Variants in ANKS3 observed in about 807,000 individuals in gnomAD.
The protein encoded by ANKS3 is ankyrin repeat and SAM domain-containing protein 3.
A neutral mutation model predicts 80.7 loss-of-function variants in ANKS3; 62 were observed. The observed-to-expected ratio is 0.77, with a 90% CI of 0.63 to 0.95. ANKS3 has a LOEUF of 0.95. ANKS3 is among the 40% of genes least tolerant of loss of function. ANKS3 has a pLI of 0.00. For synonymous variants in ANKS3, 489 were observed against 355.3 expected (o/e 1.38, Z -4.23); for missense variants, 1,150 against 883.6 (o/e 1.30, Z -3.82).
At position 4,732,767 on chromosome 16, in the gene ANKS3, C is replaced by T. The variant is rs1465085637; in HGVS notation, c.-71+1171G>A. Among the ~76,000 whole-genome samples, 5 of 150,574 alleles carry T rather than the reference C, an allele frequency of 3.3e-5. No individual in the cohort carries two copies. The East Asian group carries it at 5.8e-4, about 18-fold the overall frequency. On this transcript the variant is annotated intron_variant, in intron 1 of 17. Coordinates refer to ENST00000304283, the MANE Select transcript of ANKS3 (RefSeq NM_133450.4). ...GTGTAAAGTAGCATTAGAGATAAGA[C>T]GTTTTAGTTTTCATTCAACTTTTTG...
At chr16:4,718,002 T>C (rs927696387) in intron 6 of ANKS3, among the ~76,000 whole-genome samples, 3 of 151,996 alleles carry the variant, frequency 2.0e-5, no homozygotes, top group African/African-American at 7.2e-5. Context: ...CTTGAACTCC[T>C]GACCTCAGGT....
At chr16:4,723,338 T>C (rs2081196959) in intron 6 of ANKS3, among the ~76,000 whole-genome samples, 1 of 152,256 alleles carries the variant, frequency 6.6e-6, no homozygotes, top group Non-Finnish European at 1.5e-5. Context: ...GTCTATGTAT[T>C]TGCTTATTCT....
chr16:4,698,130 CCTT>C (rs2079681250), intron 14 of ANKS3, 68 bp from the exon 15 acceptor site: 2 of 1,492,916 alleles, frequency 1.3e-6, no homozygotes, highest in Admixed American at 2.0e-5. Flanking sequence ...CCACCTCAGA[CCTT>C]CTAGGGGAGG....
intron 6 of ANKS3, among the ~76,000 whole-genome samples, chr16:4,714,923 C>T (rs1300384043): frequency 1.6e-5 from 2 of 126,704 alleles, no homozygotes; most frequent in Non-Finnish European, 3.2e-5. Context: ...ACCCGGGAAG[C>T]GGAGGCTGCA....
At chr16:4,717,034 C>G (rs2080840745) in intron 6 of ANKS3, among the ~76,000 whole-genome samples, 1 of 151,922 alleles carries the variant, frequency 6.6e-6, no homozygotes, top group Admixed American at 6.6e-5. Context: ...GAGTTCAAGA[C>G]CAGCCTGGCC....
At chr16:4,703,530 C>A (rs1285782030) in intron 8 of ANKS3, among the ~76,000 whole-genome samples, 1 of 151,790 alleles carries the variant, frequency 6.6e-6, no homozygotes, top group African/African-American at 2.4e-5. Flanking sequence ...AACCGATTCT[C>A]CTGCCTCAGC....
intron 7 of ANKS3, among the ~76,000 whole-genome samples, chr16:4,711,924 T>C (rs1478562903): frequency 6.6e-6 from 1 of 152,062 alleles, no homozygotes; most frequent in African/African-American, 2.4e-5. Context: ...GACCAGATGG[T>C]TTCATGGGAG....
chr16:4,732,485 C>T (rs2081676606), intron 1 of ANKS3, among the ~76,000 whole-genome samples: 1 of 152,038 alleles, frequency 6.6e-6, no homozygotes, highest in South Asian at 2.1e-4. Flanking sequence ...GAGTTCGAGA[C>T]CACCCTGGCC....
intron 16 of ANKS3, 52 bp downstream of exon 16, chr16:4,697,281 C>T (rs2079614748): frequency 6.4e-7 from 1 of 1,558,598 alleles, no homozygotes; most frequent in East Asian, 2.3e-5. Context: ...GGTCCCTTTG[C>T]CTCCCTCGGA....
intron 5 of ANKS3, among the ~76,000 whole-genome samples, chr16:4,725,939 T>C (rs1457447556): frequency 6.6e-6 from 1 of 151,310 alleles, no homozygotes; most frequent in Non-Finnish European, 1.5e-5. Context: ...ATTACAGGTG[T>C]GAGCCACTGA....
intron 1 of ANKS3, among the ~76,000 whole-genome samples, chr16:4,732,095 C>T (rs779158432): frequency 2.0e-5 from 3 of 152,130 alleles, no homozygotes; most frequent in Non-Finnish European, 4.4e-5. Context: ...ATGTGGGAGA[C>T]GAACACTTCA....
chr16:4,701,037 G>A lies in ANKS3; in HGVS notation c.1217C>T (p.Thr406Ile), dbSNP rs754042181. Reference sequence around the variant, plus strand: ...CTCAGCGAGAAAGCCTTCCCTGTCAGTTGCAGCGCGGGGAGGCCACTGGCT... The same window carrying A: ...CTCAGCGAGAAAGCCTTCCCTGTCAATTGCAGCGCGGGGAGGCCACTGGCT... ...PDSQWPPRAA[T>I]DREGFLAESS... is the part of the protein sequence containing the mutation. The change falls in exon 11 of 18, where the codon ACT becomes ATT. Residue 406 changes from threonine to isoleucine, a missense_variant. Transcript: ENST00000304283. 29 of 1,614,000 alleles carry A rather than the reference G, an allele frequency of 1.8e-5. No homozygotes were observed. Among genetic ancestry groups the A allele is most frequent in the Non-Finnish European group, 2.3e-5 (27 of 1,180,028 alleles).
chr16:4,721,698 G>T (rs1451939081), intron 6 of ANKS3, among the ~76,000 whole-genome samples: 3 of 150,884 alleles, frequency 2.0e-5, no homozygotes, highest in Non-Finnish European at 4.4e-5. Context: ...GAGTGCAGTG[G>T]CAACATCTTG....
intron 6 of ANKS3, 80 bp from the exon 7 acceptor site, chr16:4,714,266 G>A: frequency 6.4e-7 from 1 of 1,572,634 alleles, no homozygotes; most frequent in Non-Finnish European, 8.7e-7. Context: ...TGGGAAGACA[G>A]AAGGGCATAT....
chr16:4,700,856 C>A, intron 11 of ANKS3, 114 bp downstream of exon 11: 1 of 1,392,054 alleles, frequency 7.2e-7, no homozygotes, highest in Non-Finnish European at 1.0e-6. Flanking sequence ...GGGGATGCCA[C>A]CGCCATTCTG....
intron 8 of ANKS3, among the ~76,000 whole-genome samples, chr16:4,704,072 G>T (rs1397756357): frequency 1.3e-5 from 2 of 152,234 alleles, no homozygotes; most frequent in Admixed American, 1.3e-4. Context: ...CAGCTCAGCG[G>T]ACGGGACACG....
intron 6 of ANKS3, among the ~76,000 whole-genome samples, chr16:4,721,280 G>C (rs2081078885): frequency 6.7e-6 from 1 of 148,972 alleles, no homozygotes; most frequent in Admixed American, 6.8e-5. Flanking sequence ...ACTCTAGCCT[G>C]GGCAACAGAG....
chr16:4,722,819 G>A (rs1317386612), intron 6 of ANKS3, among the ~76,000 whole-genome samples: 1 of 151,404 alleles, frequency 6.6e-6, no homozygotes. Flanking sequence ...TCGGGAGGCT[G>A]AGGCAGAAGA....
At chr16:4,711,604 T>C (rs1420184918) in intron 7 of ANKS3, among the ~76,000 whole-genome samples, 2 of 150,142 alleles carry the variant, frequency 1.3e-5, no homozygotes, top group African/African-American at 4.9e-5. Flanking sequence ...TGTAATCCCA[T>C]CTACTTGGGA....
Sources: gnomAD v4.1 joint callset for allele counts (sites outside exome capture counted in the v4.1 genomes callset) on GRCh38, gnomAD v4.1.1 for gene constraint, MANE v1.5 for transcripts, NCBI Gene and HGNC (gene_info 2026-07-23, HGNC 2026-07-21) for gene names.